The following ESR2 variants were observed in gnomAD, a reference collection of about 807,000 sequenced individuals.
ESR2 encodes the protein estrogen receptor beta.
In ESR2, 36 loss-of-function variants were observed where a neutral mutation model predicts 49.6. That is an observed-to-expected ratio of 0.73 (90% CI 0.56 to 0.96). ESR2 has a LOEUF of 0.96. Among genes scored for constraint, ESR2 ranks in the 40% least tolerant of loss-of-function variants. ESR2 has a pLI of 0.00. For missense variants in ESR2, 714 were observed against 693.0 expected (o/e 1.03, Z -0.34); for synonymous variants, 320 against 266.1 (o/e 1.20, Z -1.97).
intron 1 of ESR2, among the ~76,000 whole-genome samples, chr14:64,309,753 T>G (rs963236838): frequency 6.6e-6 from 1 of 152,030 alleles, no homozygotes. Flanking sequence ...GTGGATGGCT[T>G]GAGGCCAGGA....
At chr14:64,261,239 C>CTTTTTTT (rs58982771) in intron 4 of ESR2, among the ~76,000 whole-genome samples, 6 of 127,100 alleles carry the variant, frequency 4.7e-5, no homozygotes, top group Admixed American at 3.6e-4. Context: ...TTTCTTTTTT[C>CTTTTTTT]TTTTTTTTTT....
chr14:64,288,007 A>C (rs1055002713), intron 1 of ESR2, among the ~76,000 whole-genome samples: 9 of 152,176 alleles, frequency 5.9e-5, no homozygotes, highest in African/African-American at 2.2e-4. Flanking sequence ...AGAATTATTC[A>C]TTTATTTGCA....
At position 64,230,095 on chromosome 14, in the gene ESR2, A is replaced by T. The variant is rs1760988; in HGVS notation, c.*3042T>A. ...GGGCGGGAATGGGGTGGGATGGGGC[A>T]CTGTGGTGGGAGGATCGCTTGAGCC... On this transcript the variant is annotated 3_prime_UTR_variant, in exon 9 of 9. Coordinates refer to ENST00000341099, the MANE Select transcript of ESR2 (RefSeq NM_001437.3). 1.3e-5 allele frequency among the ~76,000 whole-genome samples: 2 copies of T among 151,284 alleles called. No individual in the cohort carries two copies. The highest frequency in any genetic ancestry group is 2.4e-5 in the African/African-American group (1 of 41,142).
chr14:64,275,775 T>C (rs1054449627), intron 3 of ESR2, among the ~76,000 whole-genome samples: 1 of 152,164 alleles, frequency 6.6e-6, no homozygotes, highest in Non-Finnish European at 1.5e-5. Flanking sequence ...ACTCAAAATA[T>C]GAGGTTACAA....
intron 7 of ESR2, among the ~76,000 whole-genome samples, chr14:64,247,988 GT>G (rs1222001121): frequency 6.6e-6 from 1 of 152,132 alleles, no homozygotes; most frequent in Non-Finnish European, 1.5e-5. Flanking sequence ...AAATACAGGA[GT>G]TTGAGACCAG....
chr14:64,283,484 C>T (rs950061101), intron 1 of ESR2, among the ~76,000 whole-genome samples: 2 of 152,062 alleles, frequency 1.3e-5, no homozygotes, highest in African/African-American at 4.8e-5. Context: ...TGAGGCCAAG[C>T]GTAGTGGCTC....
At chr14:64,264,529 G>A (rs1358458620) in intron 4 of ESR2, among the ~76,000 whole-genome samples, 1 of 152,050 alleles carries the variant, frequency 6.6e-6, no homozygotes, top group African/African-American at 2.4e-5. Context: ...TTGTTACATA[G>A]GTATGCACAT....
intron 1 of ESR2, chr14:64,336,454 GTCT>G (rs1461159103): frequency 6.6e-6 from 1 of 152,100 alleles, no homozygotes; most frequent in Admixed American, 6.5e-5. Context: ...TATTTGATCA[GTCT>G]GTAACATTTA....
At chr14:64,306,326 G>T (rs2077098432) in intron 1 of ESR2, among the ~76,000 whole-genome samples, 1 of 152,104 alleles carries the variant, frequency 6.6e-6, no homozygotes, top group Non-Finnish European at 1.5e-5. Flanking sequence ...TCATCTAAAT[G>T]CTTCTGCTAC....
At chr14:64,265,339 C>T (rs144477480) in intron 4 of ESR2, among the ~76,000 whole-genome samples, 149 of 152,324 alleles carry the variant, frequency 9.8e-4, no homozygotes, top group Non-Finnish European at 1.5e-3. Flanking sequence ...CCAGGCATTG[C>T]ATATTGCACA....
chr14:64,304,506 T>G (rs1030216912), intron 1 of ESR2, among the ~76,000 whole-genome samples: 1 of 152,210 alleles, frequency 6.6e-6, no homozygotes, highest in Non-Finnish European at 1.5e-5. Flanking sequence ...GCCACACACC[T>G]CTCAAGGCTC....
intron 1 of ESR2, chr14:64,332,457 C>T (rs1457855521): frequency 2.0e-5 from 3 of 152,148 alleles, no homozygotes; most frequent in Admixed American, 1.3e-4. Flanking sequence ...TTAAATATTA[C>T]TCTTATTATA....
chr14:64,282,575 A>C, intron 2 of ESR2, 49 bp downstream of exon 2: 1 of 1,525,436 alleles, frequency 6.6e-7, no homozygotes, highest in East Asian at 2.3e-5. Flanking sequence ...CCATAAAGTG[A>C]TTTGAGAAAT....
chr14:64,309,450 A>G (rs2077155695), intron 1 of ESR2, among the ~76,000 whole-genome samples: 1 of 151,414 alleles, frequency 6.6e-6, no homozygotes, highest in Admixed American at 6.6e-5. Flanking sequence ...TATCTCTACT[A>G]AAAATACAAA....
downstream of ESR2, chr14:64,227,590 G>A (rs146994281): frequency 6.2e-7 from 1 of 1,614,234 alleles, no homozygotes; most frequent in East Asian, 2.2e-5. Context: ...CAAATGAGGT[G>A]AGTGTTTGAG....
chr14:64,285,417 G>C (rs969319903), intron 1 of ESR2, among the ~76,000 whole-genome samples: 10 of 152,178 alleles, frequency 6.6e-5, no homozygotes, highest in African/African-American at 2.4e-4. Flanking sequence ...TGCATTGTGA[G>C]GTGGTTGGCT....
At chr14:64,303,207 C>A (rs1290179081) in intron 1 of ESR2, among the ~76,000 whole-genome samples, 2 of 152,190 alleles carry the variant, frequency 1.3e-5, no homozygotes, top group African/African-American at 2.4e-5. Flanking sequence ...TTTCTCCTCG[C>A]CAGAAGGGAG....
At chr14:64,252,246 A>G (rs2076002614) in intron 6 of ESR2, among the ~76,000 whole-genome samples, 1 of 151,902 alleles carries the variant, frequency 6.6e-6, no homozygotes, top group South Asian at 2.1e-4. Flanking sequence ...CAGGAGCCCA[A>G]GGTTGCAGTG....
rs548795837 is a variant in ESR2, at chr14:64,331,929, C to A, written c.-91+5969G>T. 7.9e-5 allele frequency among the ~76,000 whole-genome samples: 12 copies of A among 151,060 alleles called. 1 individual carries two copies. Among genetic ancestry groups the A allele is most frequent in the African/African-American group, 2.9e-4 (12 of 41,162 alleles). ...ATGATGAAATATTGAGAAAAAAAAT[C>A]ATGGTGTGTCACTCAGCCACCATTT... On this transcript the variant is annotated intron_variant, in intron 1 of 8. Transcript: ENST00000358599.
Sources: gnomAD v4.1 joint callset for allele counts (sites outside exome capture counted in the v4.1 genomes callset) on GRCh38, gnomAD v4.1.1 for gene constraint, MANE v1.5 for transcripts, NCBI Gene and HGNC (gene_info 2026-07-23, HGNC 2026-07-21) for gene names.